The following PPP1R2 variants were observed in gnomAD, a reference collection of about 807,000 sequenced individuals.
PPP1R2 encodes protein phosphatase inhibitor 2.
A neutral mutation model predicts 29.9 loss-of-function variants in PPP1R2; 16 were observed. The observed-to-expected ratio is 0.53, with a 90% CI of 0.36 to 0.81. The LOEUF is 0.81. Among genes scored for constraint, PPP1R2 ranks in the 30% least tolerant of loss-of-function variants. The pLI is 0.00. For missense variants in PPP1R2, 197 were observed against 252.7 expected, an observed-to-expected ratio of 0.78 and a Z score of 1.49; for synonymous variants, 76 against 91.5, an observed-to-expected ratio of 0.83 and a Z score of 0.96.
intron 5 of PPP1R2, 87 bp from the exon 6 acceptor site, chr3:195,517,029 G>T: frequency 9.6e-7 from 1 of 1,045,270 alleles, no homozygotes; most frequent in African/African-American, 1.6e-5. Context: ...TGCATGACAA[G>T]CAAATATAAA....
At chr3:195,532,628 T>A (rs969234090) in intron 1 of PPP1R2, among the ~76,000 whole-genome samples, 1 of 152,172 alleles carries the variant, frequency 6.6e-6, no homozygotes, top group Non-Finnish European at 1.5e-5. Flanking sequence ...AAAAAAAATC[T>A]TCTCTTGGAC....
rs190586016 is a variant in PPP1R2, at chr3:195,522,155, G to T, written c.403+1537C>A. 3.5e-4 allele frequency among the ~76,000 whole-genome samples: 53 copies of T among 152,322 alleles called. No homozygotes were observed. The East Asian group carries it at 3.7e-3, about 11-fold the overall frequency. The stretch of plus-strand genomic sequence containing the variant: ...TGCTTTAAATGCTTTAACTCATTTA[G>T]TAGTCACCAAAATATTTTTACAGCT... On this transcript the variant is annotated intron_variant, in intron 4 of 5. Coordinates refer to ENST00000618156, the MANE Select transcript of PPP1R2 (RefSeq NM_006241.8).
At chr3:195,527,063 G>A (rs1718998568) in intron 2 of PPP1R2, among the ~76,000 whole-genome samples, 1 of 152,024 alleles carries the variant, frequency 6.6e-6, no homozygotes, top group Non-Finnish European at 1.5e-5. Flanking sequence ...GATTACAGGC[G>A]TGAGCTGCTG....
intron 1 of PPP1R2, among the ~76,000 whole-genome samples, chr3:195,531,815 T>C (rs1412736304): frequency 6.6e-6 from 1 of 152,196 alleles, no homozygotes. Context: ...CCAGAACTTT[T>C]TCATCTTCCC....
At chr3:195,528,229 G>C (rs1333819906) in intron 2 of PPP1R2, among the ~76,000 whole-genome samples, 1 of 152,042 alleles carries the variant, frequency 6.6e-6, no homozygotes, top group Non-Finnish European at 1.5e-5. Flanking sequence ...GAACATACAA[G>C]GTCTGGTTTT....
intron 1 of PPP1R2, among the ~76,000 whole-genome samples, chr3:195,539,798 A>T (rs1446880207): frequency 1.3e-5 from 2 of 152,230 alleles, no homozygotes; most frequent in African/African-American, 4.8e-5. Flanking sequence ...ATCGGTCCTG[A>T]CAATTGGATA....
At chr3:195,529,698 C>A (rs1719109081) in intron 2 of PPP1R2, 96 bp downstream of exon 2, 9 of 872,008 alleles carry the variant, frequency 1.0e-5, no homozygotes, top group Admixed American at 3.2e-5. Context: ...AACAAATCTA[C>A]AATAAAACAA....
At chr3:195,529,934 T>C (rs1719118976) in intron 1 of PPP1R2, 33 bp from the exon 2 acceptor site, 5 of 1,489,798 alleles carry the variant, frequency 3.4e-6, no homozygotes, top group Non-Finnish European at 4.6e-6. Context: ...TTTTTCCCAA[T>C]GCAGAAAAAG....
chr3:195,534,626 C>T (rs762779464), intron 1 of PPP1R2, among the ~76,000 whole-genome samples: 2 of 152,010 alleles, frequency 1.3e-5, no homozygotes, highest in Non-Finnish European at 2.9e-5. Flanking sequence ...GTCTGGACAA[C>T]GAGAACCCTC....
At chr3:195,517,219 C>T (rs1367288879) in intron 5 of PPP1R2, among the ~76,000 whole-genome samples, 2 of 151,990 alleles carry the variant, frequency 1.3e-5, no homozygotes, top group African/African-American at 2.4e-5. Context: ...TACGACAACT[C>T]CAATATCCAG....
chr3:195,524,261 C>G (rs889531742), intron 3 of PPP1R2, among the ~76,000 whole-genome samples: 2 of 152,188 alleles, frequency 1.3e-5, no homozygotes, highest in African/African-American at 4.8e-5. Context: ...GTGGTTCACC[C>G]CTGTAATCCC....
Position 195,516,198 on chromosome 3 carries a change from AC to A in PPP1R2, c.*697del, listed in dbSNP as rs1489199194. On this transcript the variant is annotated 3_prime_UTR_variant, in exon 6 of 6. Coordinates refer to ENST00000618156, the MANE Select transcript of PPP1R2 (RefSeq NM_006241.8). ...CCCAGTGTACCAAAAACATTAAAAA[AC>A]AAAAACAAACAAAAACCCCCCAAAA... 3 of 152,572 alleles carry A rather than the reference AC, an allele frequency of 2.0e-5. No individual in the cohort carries two copies. Among genetic ancestry groups the A allele is most frequent in the Admixed American group, 1.3e-4 (2 of 15,266 alleles). The allele number at this position is 152,572 out of a possible 1,614,324, so 9.5% of individuals were successfully genotyped here.
At chr3:195,524,358 C>A (rs550049105) in intron 3 of PPP1R2, among the ~76,000 whole-genome samples, 18 of 152,264 alleles carry the variant, frequency 1.2e-4, no homozygotes, top group Admixed American at 1.1e-3. Context: ...ACTGTCTCTA[C>A]TAAAAATACA....
chr3:195,523,988 C>T (rs946112876), intron 3 of PPP1R2, among the ~76,000 whole-genome samples: 2 of 151,550 alleles, frequency 1.3e-5, no homozygotes, highest in African/African-American at 2.4e-5. Context: ...TTTGGAAGGC[C>T]GAGGTGGGAG....
intron 4 of PPP1R2, among the ~76,000 whole-genome samples, chr3:195,520,380 G>A (rs1440567383): frequency 2.0e-5 from 3 of 152,116 alleles, no homozygotes; most frequent in Non-Finnish European, 4.4e-5. Context: ...CAGATGCTGG[G>A]GCTCATGCCT....
Position 195,527,621 on chromosome 3 carries a change from C to A in PPP1R2, c.230+2173G>T, listed in dbSNP as rs570004774. 3.9e-5 allele frequency: 6 copies of A among 155,424 alleles called. No homozygotes were observed. In the South Asian group the frequency reaches 1.1e-3, roughly 30 times the overall value. 9.6% of individuals were successfully genotyped at this position (155,424 alleles called of 1,614,324 possible). ...ATTCTCCTAGGATACTTATCCCCAA[C>A]TAACACAAGTGAGTGACGGATGGCC... On this transcript the variant is annotated intron_variant, in intron 2 of 5. Transcript: ENST00000618156.
At chr3:195,530,436 T>TCTAATTTAGAAAA (rs1719134501) in intron 1 of PPP1R2, among the ~76,000 whole-genome samples, 1 of 152,234 alleles carries the variant, frequency 6.6e-6, no homozygotes, top group Non-Finnish European at 1.5e-5. Flanking sequence ...CAGCTCTGTT[T>TCTAATTTAGAAAA]ATTTCTAATC....
rs1376830352 is a variant in PPP1R2, at chr3:195,514,631, C to G, written c.*2265G>C. 1.3e-5 allele frequency: 2 copies of G among 152,056 alleles called. No homozygotes were observed. Among genetic ancestry groups the G allele is most frequent in the African/African-American group, 4.8e-5 (2 of 41,402 alleles). 9.4% of individuals were successfully genotyped at this position (152,056 alleles called of 1,614,324 possible). On this transcript the variant is annotated 3_prime_UTR_variant, in exon 6 of 6. Transcript: ENST00000618156. ...CAAATGAAAACAGACAAGGTAACAC[C>G]AAATAGTTAAGCACAGAAAGTGATA...
rs1328496191 is a variant in PPP1R2, at chr3:195,518,111, T to C, written c.571+907A>G. On this transcript the variant is annotated intron_variant, in intron 5 of 5. Coordinates refer to ENST00000618156, the MANE Select transcript of PPP1R2 (RefSeq NM_006241.8). ...AGGTGGTGGGCACAAAAAATCTCCA[T>C]TAGTGATGCAGAAGATTCACTTCAT... Among the ~76,000 whole-genome samples, 4 of 152,250 alleles carry C rather than the reference T, an allele frequency of 2.6e-5. No individual in the cohort carries two copies. In the East Asian group the frequency reaches 7.7e-4, roughly 29 times the overall value.
Sources: gnomAD v4.1 joint callset for allele counts (sites outside exome capture counted in the v4.1 genomes callset) on GRCh38, gnomAD v4.1.1 for gene constraint, MANE v1.5 for transcripts, NCBI Gene and HGNC (gene_info 2026-07-23, HGNC 2026-07-21) for gene names.